Variants in BICC1 observed in about 807,000 individuals in gnomAD.
The protein encoded by BICC1 is BicC family RNA binding protein 1.
A neutral mutation model predicts 111.0 loss-of-function variants in BICC1; 43 were observed. The ratio of observed to expected loss-of-function variants is 0.39; its 90% CI spans 0.30 to 0.50. The LOEUF is 0.50. Ranked by LOEUF, BICC1 falls within the 20% of genes least tolerant of loss-of-function variation. The pLI is 0.88. For missense variants in BICC1, 1,091 were observed against 1,203.2 expected, an observed-to-expected ratio of 0.91 and a Z score of 1.38; for synonymous variants, 467 against 434.4, an observed-to-expected ratio of 1.07 and a Z score of -0.93.
rs141565283 is a variant in BICC1, at chr10:58,695,573, T to C, written c.238-6501T>C. Among the ~76,000 whole-genome samples, 27 of 152,318 alleles carry C rather than the reference T, an allele frequency of 1.8e-4. No homozygotes were observed. In the East Asian group the frequency reaches 5.0e-3, roughly 28 times the overall value. ...CAAGAATAAATATTTTTAGTAAAGT[T>C]AGTATAAATAGACCTGTCTTGGGGT... On this transcript the variant is annotated intron_variant, in intron 2 of 20. Transcript: ENST00000373886.
upstream of BICC1, among the ~76,000 whole-genome samples, chr10:58,512,762 C>T (rs1223700626): frequency 6.6e-6 from 1 of 151,402 alleles, no homozygotes; most frequent in African/African-American, 2.4e-5. Context: ...GCCCGCCCGC[C>T]GCGGCTCCCC....
intron 2 of BICC1, among the ~76,000 whole-genome samples, chr10:58,658,030 T>G (rs1047949325): frequency 2.8e-5 from 4 of 142,462 alleles, no homozygotes; most frequent in African/African-American, 1.0e-4. Context: ...TAGTGGTAAC[T>G]GTGATTACCT....
intron 3 of BICC1, among the ~76,000 whole-genome samples, chr10:58,745,436 C>T (rs1212045940): frequency 6.6e-6 from 1 of 152,082 alleles, no homozygotes; most frequent in Non-Finnish European, 1.5e-5. Context: ...TGACCACAAA[C>T]TTAGCTGGCT....
intron 3 of BICC1, among the ~76,000 whole-genome samples, chr10:58,757,483 T>C (rs1035622648): frequency 2.0e-5 from 3 of 152,116 alleles, no homozygotes; most frequent in Non-Finnish European, 2.9e-5. Context: ...CATTTAAGAA[T>C]GCAGAAGTAA....
chr10:58,670,732 C>A (rs530999320), intron 2 of BICC1, among the ~76,000 whole-genome samples: 1 of 152,098 alleles, frequency 6.6e-6, no homozygotes, highest in Non-Finnish European at 1.5e-5. Context: ...AATGGAAATA[C>A]CTAGCAAGTA....
chr10:58,815,786 T>A (rs1396060598), intron 18 of BICC1, among the ~76,000 whole-genome samples: 4 of 152,224 alleles, frequency 2.6e-5, no homozygotes, highest in Admixed American at 1.3e-4. Flanking sequence ...CATTTGTTTT[T>A]AAAATTGTTA....
At chr10:58,532,101 C>T (rs1362580850) in intron 1 of BICC1, among the ~76,000 whole-genome samples, 1 of 151,656 alleles carries the variant, frequency 6.6e-6, no homozygotes, top group Non-Finnish European at 1.5e-5. Context: ...CATGATGAAA[C>T]TAAAGAAATT....
intron 6 of BICC1, among the ~76,000 whole-genome samples, chr10:58,788,923 C>G (rs1007182610): frequency 2.0e-5 from 3 of 152,042 alleles, no homozygotes; most frequent in African/African-American, 7.2e-5. Context: ...CTGTCTGTCT[C>G]TACAAAACAT....
chr10:58,736,965 AAATT>A (rs1323905862), intron 3 of BICC1, among the ~76,000 whole-genome samples: 99 of 152,228 alleles, frequency 6.5e-4, no homozygotes, highest in African/African-American at 2.1e-3. Context: ...TGGGGCATAG[AAATT>A]TTATTTTCAC....
intron 3 of BICC1, among the ~76,000 whole-genome samples, chr10:58,745,602 G>GCC (rs35346412): frequency 0.18 from 14,063 of 78,548 alleles, 1,369 homozygotes; most frequent in East Asian, 0.41. Flanking sequence ...GCCCCCCACC[G>GCC]CCCCCCCCCC....
chr10:58,728,375 A>G (rs556001773), intron 3 of BICC1, among the ~76,000 whole-genome samples: 4 of 152,314 alleles, frequency 2.6e-5, no homozygotes, highest in Admixed American at 2.6e-4. Flanking sequence ...ATCCATTAGA[A>G]GCAATGTCTC....
At chr10:58,637,112 A>G (rs574653098) in intron 2 of BICC1, among the ~76,000 whole-genome samples, 20 of 151,908 alleles carry the variant, frequency 1.3e-4, no homozygotes, top group African/African-American at 4.6e-4. Context: ...CTTGATTCTT[A>G]TATGGGGAAA....
chr10:58,735,379 C>T (rs189267070), intron 3 of BICC1, among the ~76,000 whole-genome samples: 1 of 152,240 alleles, frequency 6.6e-6, no homozygotes, highest in African/African-American at 2.4e-5. Flanking sequence ...CTGTTAAAGC[C>T]CTTCGATGCC....
intron 1 of BICC1, among the ~76,000 whole-genome samples, chr10:58,595,746 CCA>C (rs1844791605): frequency 6.6e-6 from 1 of 151,880 alleles, no homozygotes; most frequent in East Asian, 1.9e-4. Context: ...AGCACTATGG[CCA>C]CAGGAGAAAG....
chr10:58,713,438 ATC>A (rs1352840988), intron 3 of BICC1, among the ~76,000 whole-genome samples: 1 of 152,156 alleles, frequency 6.6e-6, no homozygotes, highest in East Asian at 1.9e-4. Flanking sequence ...GCCTGTTGTA[ATC>A]TCTTTTAATC....
chr10:58,640,959 G>A (rs576700328), intron 2 of BICC1, among the ~76,000 whole-genome samples: 39 of 152,158 alleles, frequency 2.6e-4, no homozygotes, highest in African/African-American at 8.9e-4. Flanking sequence ...ACTTTCAAAA[G>A]CAGTTCTTTG....
intron 2 of BICC1, among the ~76,000 whole-genome samples, chr10:58,626,473 C>G (rs1469573507): frequency 6.6e-6 from 1 of 152,078 alleles, no homozygotes; most frequent in Admixed American, 6.5e-5. Context: ...GAGAATGGAG[C>G]TTATTTTTAT....
chr10:58,586,241 G>T (rs939085524), intron 1 of BICC1, among the ~76,000 whole-genome samples: 3 of 151,968 alleles, frequency 2.0e-5, no homozygotes, highest in African/African-American at 7.3e-5. Flanking sequence ...ATTATTATAT[G>T]TCTGCTACAT....
intron 2 of BICC1, among the ~76,000 whole-genome samples, chr10:58,667,471 T>C (rs1272568923): frequency 0.097 from 13 of 134 alleles, no homozygotes; most frequent in Non-Finnish European, 0.094. Context: ...TTAACCTTAA[T>C]TCTCAGGGTT....
Sources: allele counts gnomAD v4.1 joint callset (sites outside exome capture counted in the v4.1 genomes callset), GRCh38; gene constraint gnomAD v4.1.1; transcripts MANE v1.5; gene names NCBI Gene and HGNC (gene_info 2026-07-23, HGNC 2026-07-21).